SRCAP: variants seen among roughly 807,000 people sequenced by gnomAD.
The protein encoded by SRCAP is Snf2 related CREBBP activator protein.
A neutral mutation model predicts 263.1 loss-of-function variants in SRCAP; 46 were observed. That is an observed-to-expected ratio of 0.17 (90% CI 0.14 to 0.22). SRCAP has a LOEUF of 0.22. SRCAP is among the 10% of genes least tolerant of loss of function. SRCAP has a pLI of 1.00. For synonymous variants in SRCAP, 1,813 were observed against 1,662.1 expected, an observed-to-expected ratio of 1.09 and a Z score of -2.21; for missense variants, 3,695 against 4,181.9, an observed-to-expected ratio of 0.88 and a Z score of 3.21.
intron 27 of SRCAP, among the ~76,000 whole-genome samples, chr16:30,731,204 A>G (rs2053111696): frequency 6.6e-6 from 1 of 152,218 alleles, no homozygotes; most frequent in African/African-American, 2.4e-5. Context: ...AAACTGAGCT[A>G]TATGCCCATA....
At position 30,734,596 on chromosome 16, in the gene SRCAP, A is replaced by G; in HGVS notation, c.6710A>G (p.Gln2237Arg). 1 of 1,614,132 alleles carries G rather than the reference A, an allele frequency of 6.2e-7. No individual in the cohort carries two copies. The highest frequency in any genetic ancestry group is 8.5e-7 in the Non-Finnish European group (1 of 1,180,016). ...GAGGAAGAGACTGTGGCCAGCAAGC[A>G]GACTCATATTCTGGAGCAGGTAAAA... ...EEEEETVASKQTHILEQALCR... is the reference protein window; with the variant it reads ...EEEEETVASKRTHILEQALCR... The change falls in exon 31 of 34, where the codon CAG becomes CGG. Residue 2237 changes from glutamine to arginine, a missense_variant. By Grantham distance (43) the Gln-to-Arg change is conservative. Coordinates refer to ENST00000262518, the MANE Select transcript of SRCAP (RefSeq NM_006662.3).
intron 2 of SRCAP, among the ~76,000 whole-genome samples, chr16:30,700,268 C>T (rs2052750985): frequency 6.6e-6 from 1 of 152,162 alleles, no homozygotes; most frequent in Non-Finnish European, 1.5e-5. Flanking sequence ...GTGTAACCTT[C>T]CGCAAATCAT....
chr16:30,734,637 C>A, intron 31 of SRCAP, 22 bp downstream of exon 31: 2 of 1,613,782 alleles, frequency 1.2e-6, no homozygotes, highest in South Asian at 2.2e-5. Context: ...GTGGGCAGTT[C>A]GTAAAGTTGA....
chr16:30,737,438 A>T lies in SRCAP; in HGVS notation c.7398A>T (p.Val2466=), dbSNP rs745829187. Residue 2466 remains valine, a synonymous_variant, in exon 34 of 34, where the codon GTA becomes GTT. Transcript: ENST00000262518. ...TTCCTGTCCCAGTTTCTGCCCCAGT[A>T]CCCATTTCAGCCCCAAATCCAATAA... ...ALVPVPVSAP[V]PISAPNPITI... 9 of 1,595,722 alleles carry T rather than the reference A, an allele frequency of 5.6e-6. No individual in the cohort carries two copies. Among genetic ancestry groups the T allele is most frequent in the Non-Finnish European group, 7.7e-6 (9 of 1,170,204 alleles).
chr16:30,714,047 GC>G (rs1380025795), intron 16 of SRCAP, among the ~76,000 whole-genome samples: 1 of 146,928 alleles, frequency 6.8e-6, no homozygotes, highest in Non-Finnish European at 1.5e-5. Context: ...ACAGGCACCC[GC>G]CACAAAGCCT....
chr16:30,710,492 A>C (rs1341755644), intron 8 of SRCAP: 1 of 738,388 alleles, frequency 1.4e-6, no homozygotes. Flanking sequence ...GTTTCTCCAT[A>C]TGTCTCAAGT....
At chr16:30,714,224 C>T (rs1487724270) in intron 16 of SRCAP, among the ~76,000 whole-genome samples, 10 of 151,936 alleles carry the variant, frequency 6.6e-5, no homozygotes, top group African/African-American at 1.2e-4. Context: ...ACCACCACGC[C>T]GGGCTAATTT....
In SRCAP at chr16:30,709,539, G is replaced by C. The variant is rs570021658; in HGVS notation, c.660G>C (p.Arg220=). Residue 220 remains arginine (R), a synonymous_variant, in exon 7 of 34, where the codon CGG becomes CGC. Transcript: ENST00000262518. ...TGGTGCAATTCAAGCAACAGTCCCG[G>C]CTTGAGGAAAAGCGCAAAAAAGCCC... is the stretch of plus-strand genomic sequence containing the variant. ...EKVVQFKQQS[R]LEEKRKKALD... is the part of the protein sequence containing the mutation. 1 of 1,614,146 alleles carries C rather than the reference G, an allele frequency of 6.2e-7. No individual in the cohort carries two copies. Among genetic ancestry groups the C allele is most frequent in the East Asian group, 2.2e-5 (1 of 44,876 alleles).
chr16:30,738,088 C>T lies in SRCAP; in HGVS notation c.8048C>T (p.Pro2683Leu), dbSNP rs1156925271. ...GAAGAGCTGACAGAGGCCAAGACCC[C>T]AACCTCCAGCCCAGAGAAGCCACAG... is the stretch of plus-strand genomic sequence containing the variant. Reference protein sequence around the residue: ...TSEELTEAKTPTSSPEKPQEL... With the variant: ...TSEELTEAKTLTSSPEKPQEL... Residue 2683 changes from proline (P) to leucine (L), a missense_variant, in exon 34 of 34, where the codon CCA (proline) becomes CTA (leucine). Physicochemically the swap from Pro to Leu is moderately conservative, Grantham distance 98. Around this residue, in one of 12 missense-constraint regions of SRCAP, gnomAD observed 1,207 missense variants for 1,142.9 expected, o/e 1.06. Transcript: ENST00000262518. The T allele has an allele frequency of 1.2e-6, 2 of 1,614,150 alleles. No individual in the cohort carries two copies. The highest frequency in any genetic ancestry group is 1.7e-6 in the Non-Finnish European group (2 of 1,180,024).
At chr16:30,715,082 T>TGGAGAGTA (rs1316165837) in intron 16 of SRCAP, among the ~76,000 whole-genome samples, 2 of 152,332 alleles carry the variant, frequency 1.3e-5, no homozygotes, top group African/African-American at 4.8e-5. Flanking sequence ...TGATAAAGAC[T>TGGAGAGTA]CTCCAGTCTG....
Position 30,736,528 on chromosome 16 carries a change from C to CT in SRCAP, c.6925-12dup, listed in dbSNP as rs763940809. ...CAGGTTCCTAAGTTTATCACCACCGCTCCTCCTTGCAGCTGACCCCCATTG... is the reference window on the plus strand; with the variant it reads ...CAGGTTCCTAAGTTTATCACCACCGCTTCCTCCTTGCAGCTGACCCCCATTG... On this transcript the variant is annotated splice_polypyrimidine_tract_variant and intron_variant, in intron 32 of 33. Coordinates refer to ENST00000262518, the MANE Select transcript of SRCAP (RefSeq NM_006662.3). The CT allele has an allele frequency of 6.2e-7, 1 of 1,614,112 alleles. No individual in the cohort carries two copies. The highest frequency in any genetic ancestry group is 1.7e-5 in the Admixed American group (1 of 60,008).
chr16:30,720,002 G>T (rs956704618), intron 18 of SRCAP, among the ~76,000 whole-genome samples, 160 bp from the exon 19 acceptor site: 2 of 152,170 alleles, frequency 1.3e-5, no homozygotes, highest in Non-Finnish European at 2.9e-5. Context: ...ATGTCCATGC[G>T]TACCCAATGT....
At position 30,720,261 on chromosome 16, in the gene SRCAP, G is replaced by C. The variant is rs1472878074; in HGVS notation, c.2917G>C (p.Val973Leu). The stretch of plus-strand genomic sequence containing the variant: ...GCCCCGGCACCGCCTCTCTCGCCGG[G>C]TACTGTTAGAAGTGGCTACTGCTCC... ...FLPRHRLSRR[V>L]LLEVATAPDP... The change falls in exon 19 of 34, where the codon GTA becomes CTA. Residue 973 changes from valine (V) to leucine (L), a missense_variant. This residue lies in a region of SRCAP where 147 missense variants were observed against 212.7 expected (regional missense o/e 0.69). Coordinates refer to ENST00000262518, the MANE Select transcript of SRCAP (RefSeq NM_006662.3). 6.2e-7 allele frequency: 1 copy of C among 1,614,086 alleles called. No homozygotes were observed. Among genetic ancestry groups the C allele is most frequent in the African/African-American group, 1.3e-5 (1 of 74,932 alleles).
Position 30,723,868 on chromosome 16 carries a change from C to G in SRCAP, c.4444C>G (p.Pro1482Ala), listed in dbSNP as rs759177231. 3.1e-6 allele frequency: 5 copies of G among 1,614,134 alleles called. No individual in the cohort carries two copies. Among genetic ancestry groups the G allele is most frequent in the Non-Finnish European group, 3.4e-6 (4 of 1,180,032 alleles). Residue 1482 changes from proline (P) to alanine (A), a missense_variant, in exon 25 of 34, where the codon CCT (proline) becomes GCT (alanine). By Grantham distance (27) the Pro-to-Ala change is conservative. Around this residue, in one of 12 missense-constraint regions of SRCAP, gnomAD observed 1,347 missense variants for 1,304.4 expected, o/e 1.03. Coordinates refer to ENST00000262518, the MANE Select transcript of SRCAP (RefSeq NM_006662.3). Reference sequence around the variant, plus strand: ...GACCAGTGTGACTCCACCATTGGCACCTGTTGTCCCAGCGGCTCCTGGACC... The same window carrying G: ...GACCAGTGTGACTCCACCATTGGCAGCTGTTGTCCCAGCGGCTCCTGGACC... ...LLTSVTPPLA[P>A]VVPAAPGPPS...
intron 8 of SRCAP, chr16:30,710,394 C>A: frequency 1.6e-6 from 1 of 625,934 alleles, no homozygotes. Flanking sequence ...TTCCTCTGAC[C>A]GTTACTTGCC....
chr16:30,713,335 A>G lies in SRCAP; in HGVS notation c.2258A>G (p.Asn753Ser), dbSNP rs770528769. Residue 753 changes from asparagine to serine, a missense_variant, in exon 15 of 34, where the codon AAC (asparagine) becomes AGC (serine). Transcript: ENST00000262518. ...CTGGATGAGGCGCAGAACATCAAGAACTTCAAGTCACAGCGCTGGCAGTCA... is the reference window on the plus strand; with the variant it reads ...CTGGATGAGGCGCAGAACATCAAGAGCTTCAAGTCACAGCGCTGGCAGTCA... ...LILDEAQNIK[N>S]FKSQRWQSLL... is the part of the protein sequence containing the mutation. 3 of 1,614,146 alleles carry G rather than the reference A, an allele frequency of 1.9e-6. No individual in the cohort carries two copies.
At position 30,738,030 on chromosome 16, in the gene SRCAP, C is replaced by T. The variant is rs756632912; in HGVS notation, c.7990C>T (p.Leu2664Phe). 3 of 1,614,026 alleles carry T rather than the reference C, an allele frequency of 1.9e-6. No individual in the cohort carries two copies. The highest frequency in any genetic ancestry group is 2.7e-5 in the African/African-American group (2 of 74,918). The change falls in exon 34 of 34, where the codon CTT (leucine) becomes TTT (phenylalanine). Residue 2664 changes from leucine (L) to phenylalanine (F), a missense_variant. Transcript: ENST00000262518. The stretch of plus-strand genomic sequence containing the variant: ...ACCCTCAGCAGCATCTGATGAGCCA[C>T]TTCAGGAGCCACTGGAGGCTGACAG... The part of the protein sequence containing the change: ...LPPSAASDEP[L>F]QEPLEADRTS...
In SRCAP at chr16:30,739,265, A is replaced by C; in HGVS notation, c.9225A>C (p.Gly3075=). 6.2e-7 allele frequency: 1 copy of C among 1,613,994 alleles called. No individual in the cohort carries two copies. The highest frequency in any genetic ancestry group is 8.5e-7 in the Non-Finnish European group (1 of 1,180,020). ...RLARLRLEAE[G]MRGRKSGGSM... Reference sequence around the variant, plus strand: ...CCCGCCTTCGGCTTGAAGCAGAAGGAATGCGAGGACGGAAGAGTGGAGGGT... The same window carrying C: ...CCCGCCTTCGGCTTGAAGCAGAAGGCATGCGAGGACGGAAGAGTGGAGGGT... Residue 3075 remains glycine, a synonymous_variant, in exon 34 of 34, where the codon GGA becomes GGC. Coordinates refer to ENST00000262518, the MANE Select transcript of SRCAP (RefSeq NM_006662.3).
chr16:30,727,878 G>A (rs1039326440), intron 25 of SRCAP, among the ~76,000 whole-genome samples: 15 of 151,934 alleles, frequency 9.9e-5, no homozygotes, highest in South Asian at 6.2e-4. Flanking sequence ...GTAGAGATGC[G>A]GTTTTGCCAT....
Sources: gnomAD v4.1 joint callset for allele counts (sites outside exome capture counted in the v4.1 genomes callset) on GRCh38, gnomAD v4.1.1 for gene constraint, gnomAD v4.1.1 regional missense constraint, MANE v1.5 for transcripts, NCBI Gene and HGNC (gene_info 2026-07-23, HGNC 2026-07-21) for gene names.